Variants in NAV2 observed in about 807,000 individuals in gnomAD.
NAV2 encodes neuron navigator 2.
Under a neutral mutation model 223.2 loss-of-function variants are expected in NAV2, and 54 were observed. The ratio of observed to expected loss-of-function variants is 0.24; its 90% CI spans 0.19 to 0.30. NAV2 has a LOEUF of 0.30. NAV2 is among the 10% of genes least tolerant of loss of function. The probability of loss-of-function intolerance (pLI) is 1.00; values close to 1 mark genes in which losing one functional copy is unlikely to be tolerated. For synonymous variants in NAV2, 1,279 were observed against 1,239.3 expected (o/e 1.03, Z -0.67); for missense variants, 2,806 against 3,147.5 (o/e 0.89, Z 2.60).
intron 24 of NAV2, among the ~76,000 whole-genome samples, chr11:20,079,232 G>A (rs1237227825): frequency 1.2e-4 from 18 of 152,110 alleles, no homozygotes. Flanking sequence ...GTAGAGACAG[G>A]GTTTCACCAT....
At chr11:19,490,421 A>G (rs2042586983) in intron 1 of NAV2, among the ~76,000 whole-genome samples, 1 of 152,230 alleles carries the variant, frequency 6.6e-6, no homozygotes, top group Admixed American at 6.5e-5. Flanking sequence ...AAATAAGCTT[A>G]TATAATATTC....
In NAV2 at chr11:19,989,418, C is replaced by A. The variant is rs971138798; in HGVS notation, c.2768+5171C>A. ...GCCATAGGAACAGATGCTCCTAGAGCCTCCAGAAATGAATGTAGCCCTGCA... is the reference window on the plus strand; with the variant it reads ...GCCATAGGAACAGATGCTCCTAGAGACTCCAGAAATGAATGTAGCCCTGCA... On this transcript the variant is annotated intron_variant, in intron 11 of 37. Coordinates refer to ENST00000349880, the MANE Select transcript of NAV2 (RefSeq NM_145117.5). Among the ~76,000 whole-genome samples the A allele has an allele frequency of 3.3e-5, 5 of 152,246 alleles. No homozygotes were observed. The South Asian group carries it at 1.0e-3, about 32-fold the overall frequency.
intron 1 of NAV2, among the ~76,000 whole-genome samples, chr11:19,592,697 TAAC>T (rs1028103341): frequency 4.6e-5 from 7 of 152,158 alleles, no homozygotes; most frequent in African/African-American, 9.7e-5. Flanking sequence ...AAACTTGTGA[TAAC>T]AAGTTTATTG....
intron 4 of NAV2, 152 bp from the exon 5 acceptor site, chr11:19,879,717 A>G: frequency 1.2e-6 from 1 of 867,558 alleles, no homozygotes. Flanking sequence ...TCTTTGTGGT[A>G]TAGGCCTGAT....
chr11:20,092,851 T>C (rs566015387), intron 28 of NAV2, among the ~76,000 whole-genome samples: 48 of 152,316 alleles, frequency 3.2e-4, no homozygotes, highest in African/African-American at 1.1e-3. Flanking sequence ...GTTGTTGTTT[T>C]GGTTGAGTCT....
At chr11:19,751,576 A>T (rs958792072) in intron 1 of NAV2, among the ~76,000 whole-genome samples, 2 of 152,170 alleles carry the variant, frequency 1.3e-5, no homozygotes, top group African/African-American at 2.4e-5. Flanking sequence ...GCTGTCTTAA[A>T]TGCTTTTCCA....
chr11:20,107,768 A>C lies in NAV2; in HGVS notation c.6946A>C (p.Arg2316=). 6 of 1,612,478 alleles carry C rather than the reference A, an allele frequency of 3.7e-6. No homozygotes were observed. Among genetic ancestry groups the C allele is most frequent in the Non-Finnish European group, 5.1e-6 (6 of 1,178,416 alleles). Residue 2316 remains arginine (R), a synonymous_variant, in exon 36 of 38, where the codon AGA becomes CGA. Transcript: ENST00000349880. The part of the protein sequence containing the change: ...SIIPYLLEAV[R]EGLQLYGRRA... ...TATCCCCTATCTCCTGGAAGCCGTC[A>C]GAGAAGGACTCCAGGTGAGAAGACA...
At chr11:19,540,633 G>C (rs750595227) in intron 1 of NAV2, among the ~76,000 whole-genome samples, 1 of 152,210 alleles carries the variant, frequency 6.6e-6, no homozygotes, top group Admixed American at 6.5e-5. Flanking sequence ...TTCCCAAAGT[G>C]TGTTTCCTTC....
intron 1 of NAV2, among the ~76,000 whole-genome samples, chr11:19,462,458 C>T (rs1266122400): frequency 6.6e-6 from 1 of 152,206 alleles, no homozygotes; most frequent in Non-Finnish European, 1.5e-5. Context: ...GATTCAGACA[C>T]AACGTGCCAC....
chr11:19,453,732 T>G (rs1851866301), intron 1 of NAV2, among the ~76,000 whole-genome samples: 1 of 152,148 alleles, frequency 6.6e-6, no homozygotes, highest in Non-Finnish European at 1.5e-5. Context: ...CCTCCTGAAA[T>G]CCTTCCAGCC....
chr11:19,857,182 A>G (rs1168746464), intron 3 of NAV2, among the ~76,000 whole-genome samples: 1 of 152,208 alleles, frequency 6.6e-6, no homozygotes, highest in African/African-American at 2.4e-5. Flanking sequence ...CTACTCCTGA[A>G]TTTCAAGGAT....
At chr11:19,994,470 C>T (rs2246408) in intron 11 of NAV2, among the ~76,000 whole-genome samples, 22,748 of 151,206 alleles carry the variant, frequency 0.15, 2,154 homozygotes, top group East Asian at 0.5. Flanking sequence ...TCGCTTGAAC[C>T]GGGAGGTGGA....
At chr11:19,732,115 T>C (rs2152420270) in intron 1 of NAV2, among the ~76,000 whole-genome samples, 1 of 152,164 alleles carries the variant, frequency 6.6e-6, no homozygotes, top group South Asian at 2.1e-4. Flanking sequence ...TAACCAGGCA[T>C]GGTGGCGCGC....
At chr11:19,360,179 T>G (rs1853851776) in intron 1 of NAV2, among the ~76,000 whole-genome samples, 1 of 152,214 alleles carries the variant, frequency 6.6e-6, no homozygotes, top group Admixed American at 6.5e-5. Flanking sequence ...CCTGCCAGCC[T>G]GGTCTTAGCA....
intron 3 of NAV2, among the ~76,000 whole-genome samples, chr11:19,852,726 T>G: frequency 6.6e-6 from 1 of 152,024 alleles, no homozygotes; most frequent in East Asian, 1.9e-4. Context: ...TTTAAAAATC[T>G]CTTTCAGTTC....
At chr11:19,794,722 C>T (rs1250622787) in intron 1 of NAV2, among the ~76,000 whole-genome samples, 3 of 152,154 alleles carry the variant, frequency 2.0e-5, no homozygotes, top group African/African-American at 7.2e-5. Context: ...GTGCCAGTAG[C>T]ATTTTTATGG....
chr11:19,360,619 C>T (rs997057565), intron 1 of NAV2, among the ~76,000 whole-genome samples: 3 of 152,140 alleles, frequency 2.0e-5, no homozygotes, highest in Admixed American at 6.5e-5. Flanking sequence ...GTAGGGACAG[C>T]GTCACATGGT....
intron 4 of NAV2, among the ~76,000 whole-genome samples, chr11:19,875,537 A>G (rs1249378700): frequency 6.6e-6 from 1 of 152,198 alleles, no homozygotes; most frequent in African/African-American, 2.4e-5. Context: ...CAAGTTGGGG[A>G]CCATCTGTAT....
At chr11:19,497,202 A>G (rs1270921467) in intron 1 of NAV2, among the ~76,000 whole-genome samples, 1 of 152,226 alleles carries the variant, frequency 6.6e-6, no homozygotes, top group Non-Finnish European at 1.5e-5. Context: ...CTTCTGTAAA[A>G]TGGCAATAAT....
Sources: gnomAD v4.1 joint callset for allele counts (sites outside exome capture counted in the v4.1 genomes callset) on GRCh38, gnomAD v4.1.1 for gene constraint, MANE v1.5 for transcripts, NCBI Gene and HGNC (gene_info 2026-07-23, HGNC 2026-07-21) for gene names.